CACNA1B: variants seen among roughly 807,000 people sequenced by gnomAD.
CACNA1B encodes the protein calcium voltage-gated channel subunit alpha1 B.
A neutral mutation model predicts 247.2 loss-of-function variants in CACNA1B; 70 were observed. That is an observed-to-expected ratio of 0.28 (90% CI 0.23 to 0.35). The LOEUF is 0.35. CACNA1B is among the 10% of genes least tolerant of loss of function. The probability of loss-of-function intolerance (pLI) is 1.00; values close to 1 mark genes in which losing one functional copy is unlikely to be tolerated. For synonymous variants in CACNA1B, 1,231 were observed against 1,294.4 expected, an observed-to-expected ratio of 0.95 and a Z score of 1.05; for missense variants, 2,367 against 3,197.4, an observed-to-expected ratio of 0.74 and a Z score of 6.26.
intron 36 of CACNA1B, among the ~76,000 whole-genome samples, chr9:138,090,530 C>T (rs1335636291): frequency 1.3e-5 from 2 of 151,784 alleles, no homozygotes; most frequent in African/African-American, 4.8e-5. Context: ...AGAGCACAGG[C>T]AACCAAAGCA....
Position 137,913,685 on chromosome 9 carries a change from T to A in CACNA1B, c.622+414T>A, listed in dbSNP as rs925801343. Among the ~76,000 whole-genome samples the A allele has an allele frequency of 4.6e-5, 7 of 152,206 alleles. No individual in the cohort carries two copies. The highest frequency in any genetic ancestry group is 8.8e-5 in the Non-Finnish European group (6 of 68,024). ...CAGTCTTGTCAGGGCCACTGGGGAC[T>A]GAGGCCAGCCTTAAGACATGCTCCT... On this transcript the variant is annotated intron_variant, in intron 4 of 46. Transcript: ENST00000371372. The surrounding 1 kb of genome is among the most constrained non-coding windows in gnomAD (Gnocchi z 5.2).
chr9:138,089,200 A>G (rs576553084), intron 36 of CACNA1B, among the ~76,000 whole-genome samples: 1 of 152,180 alleles, frequency 6.6e-6, no homozygotes, highest in East Asian at 1.9e-4. Flanking sequence ...AAAACACTAG[A>G]AAGAAAAAGG....
intron 35 of CACNA1B, 138 bp downstream of exon 35, chr9:138,076,048 G>C (rs558465385): frequency 1.6e-6 from 1 of 639,764 alleles, no homozygotes; most frequent in African/African-American, 1.8e-5. Flanking sequence ...CCCTCAGCAG[G>C]CCTTTCTGGT....
At chr9:138,005,405 A>C (rs1432140310) in intron 15 of CACNA1B, among the ~76,000 whole-genome samples, 1 of 152,216 alleles carries the variant, frequency 6.6e-6, no homozygotes, top group African/African-American at 2.4e-5. Context: ...ATGTGAGAGC[A>C]AAAAAGCTGA....
At chr9:137,894,302 A>ATTTTTTTT (rs56794355) in intron 3 of CACNA1B, among the ~76,000 whole-genome samples, 17 of 96,058 alleles carry the variant, frequency 1.8e-4, no homozygotes, top group African/African-American at 3.2e-4. Context: ...TTGTCTCTGT[A>ATTTTTTTT]TTTTTTTTTT....
chr9:138,110,945 TG>T (rs149485151), intron 39 of CACNA1B, among the ~76,000 whole-genome samples: 4,018 of 152,014 alleles, frequency 0.026, 153 homozygotes, highest in African/African-American at 0.088. Context: ...CAAAAATGCT[TG>T]ATGTCATTAA....
intron 43 of CACNA1B, 49 bp downstream of exon 43, chr9:138,118,130 A>G: frequency 3.9e-6 from 2 of 517,092 alleles, no homozygotes; most frequent in Admixed American, 7.1e-5. Context: ...ATGTGTGAAC[A>G]GGGATGGGGG....
intron 41 of CACNA1B, 73 bp from the exon 42 acceptor site, chr9:138,115,479 G>A (rs1589136920): frequency 6.6e-7 from 1 of 1,520,718 alleles, no homozygotes; most frequent in East Asian, 2.3e-5. Flanking sequence ...CATGCCACAT[G>A]GTCAGAGCAG....
intron 6 of CACNA1B, among the ~76,000 whole-genome samples, chr9:137,945,837 T>TTTA (rs1311739191): frequency 1.3e-5 from 2 of 152,268 alleles, no homozygotes; most frequent in East Asian, 1.9e-4. Flanking sequence ...TTTCTTTACT[T>TTTA]TTATTATTAT....
At chr9:137,993,828 A>T (rs1382570704) in intron 15 of CACNA1B, among the ~76,000 whole-genome samples, 1 of 152,200 alleles carries the variant, frequency 6.6e-6, no homozygotes, top group Non-Finnish European at 1.5e-5. Flanking sequence ...GAAAGAGGGA[A>T]TTCTCCCTAA....
chr9:138,050,098 T>C lies in CACNA1B; in HGVS notation c.3710+783T>C. 1 of 1,288,738 alleles carries C rather than the reference T, an allele frequency of 7.8e-7. No homozygotes were observed. The highest frequency in any genetic ancestry group is 1.0e-6 in the Non-Finnish European group (1 of 987,936). The allele number at this position is 1,288,738 out of a possible 1,614,324, so 79.8% of individuals were successfully genotyped here. ...AGGAGCTTCGTGGGGTAATGCCTTC[T>C]CTCCCCCACACGCTGCCCCTGACAT... On this transcript the variant is annotated intron_variant, in intron 24 of 46. Coordinates refer to ENST00000371372, the MANE Select transcript of CACNA1B (RefSeq NM_000718.4). This position sits in a 1 kb window ranked among gnomAD's most constrained non-coding sequence, Gnocchi z 5.2.
At position 137,952,643 on chromosome 9, in the gene CACNA1B, GGGTAGACAGGA is replaced by G; in HGVS notation, c.1070+270_1070+280del. 6.6e-6 allele frequency among the ~76,000 whole-genome samples: 1 copy of G among 151,978 alleles called. No homozygotes were observed. Among genetic ancestry groups the G allele is most frequent in the Non-Finnish European group, 1.5e-5 (1 of 68,012 alleles). On this transcript the variant is annotated intron_variant, in intron 7 of 46. Coordinates refer to ENST00000371372, the MANE Select transcript of CACNA1B (RefSeq NM_000718.4). The surrounding 1 kb of genome is among the most constrained non-coding windows in gnomAD (Gnocchi z 4.8). ...GGAGAGTAGCTGCCACTACTCATCT[GGGTAGACAGGA>G]GGTGTGGTCTGTAATGGGAGGTTGG...
At chr9:137,978,051 T>TC (rs1253066483) in intron 12 of CACNA1B, among the ~76,000 whole-genome samples, 1 of 56,324 alleles carries the variant, frequency 1.8e-5, no homozygotes, top group Non-Finnish European at 3.5e-5. Context: ...AGCACTACCC[T>TC]CCCCCCCAGG....
rs141450216 is a variant in CACNA1B at position 138,015,727 on chromosome 9, G to A, written c.2267+2492G>A. ...ACAGACGGTGCCAGAACATGCCTCA[G>A]AAGGGCACCCTAGCGTGTCGCATGC... On this transcript the variant is annotated intron_variant, in intron 18 of 46. Transcript: ENST00000371372. Among the ~76,000 whole-genome samples, 3 of 152,212 alleles carry A rather than the reference G, an allele frequency of 2.0e-5. No homozygotes were observed. The East Asian group carries it at 5.8e-4, about 29-fold the overall frequency.
At chr9:137,977,621 C>T (rs1443217657) in intron 12 of CACNA1B, among the ~76,000 whole-genome samples, 1 of 152,182 alleles carries the variant, frequency 6.6e-6, no homozygotes, top group Non-Finnish European at 1.5e-5. Context: ...GACCTGAACC[C>T]AGAGCCTAGG....
At chr9:137,904,506 A>G (rs1310415993) in intron 3 of CACNA1B, among the ~76,000 whole-genome samples, 1 of 151,598 alleles carries the variant, frequency 6.6e-6, no homozygotes, top group East Asian at 1.9e-4. Context: ...GTGGAACTAC[A>G]GGTGTGTGCC....
At chr9:137,984,288 G>T (rs1169997754) in intron 13 of CACNA1B, 38 bp downstream of exon 13, 2 of 1,436,814 alleles carry the variant, frequency 1.4e-6, no homozygotes, top group South Asian at 2.4e-5. Flanking sequence ...GCAGGTGTAG[G>T]GTGGAGAGGG....
chr9:138,107,559 A>G (rs1324504818), intron 39 of CACNA1B, among the ~76,000 whole-genome samples: 1 of 150,898 alleles, frequency 6.6e-6, no homozygotes. Flanking sequence ...AAATGTGGCC[A>G]CTCCTCTCCC....
At chr9:138,047,533 G>A in intron 23 of CACNA1B, 75 bp downstream of exon 23, 2 of 1,024,004 alleles carry the variant, frequency 2.0e-6, no homozygotes, top group South Asian at 1.3e-5. Flanking sequence ...GACCAGGGCA[G>A]TGGTTGAACC....
Sources: gnomAD v4.1 joint callset for allele counts (sites outside exome capture counted in the v4.1 genomes callset) on GRCh38, gnomAD v4.1.1 for gene constraint, Gnocchi (gnomAD v3.1) non-coding constraint, MANE v1.5 for transcripts, NCBI Gene and HGNC (gene_info 2026-07-23, HGNC 2026-07-21) for gene names.